LINGO2: variants seen among roughly 807,000 people sequenced by gnomAD.
LINGO2 encodes leucine-rich repeat and immunoglobulin-like domain-containing nogo receptor-interacting protein 2.
A neutral mutation model predicts 30.6 loss-of-function variants in LINGO2; 14 were observed. That is an observed-to-expected ratio of 0.46 (90% CI 0.30 to 0.72). LINGO2 has a LOEUF of 0.72. Ranked by LOEUF, LINGO2 falls within the 30% of genes least tolerant of loss-of-function variation. LINGO2 has a pLI of 0.07. For missense variants in LINGO2, 729 were observed against 751.7 expected, an observed-to-expected ratio of 0.97 and a Z score of 0.35; for synonymous variants, 317 against 288.5, an observed-to-expected ratio of 1.10 and a Z score of -1.00.
At chr9:28,397,333 G>A (rs918202479) in intron 2 of LINGO2, among the ~76,000 whole-genome samples, 1 of 145,144 alleles carries the variant, frequency 6.9e-6, no homozygotes, top group Admixed American at 7.1e-5. Context: ...TGTATGTATT[G>A]TGTATGACAT....
the LINGO2 span, among the ~76,000 whole-genome samples, chr9:28,978,886 A>G: frequency 7.4e-4 from 113 of 152,256 alleles, 1 homozygote; most frequent in Non-Finnish European, 1.3e-3. Context: ...TAAAATGAAT[A>G]TTCTCATTTT....
At chr9:28,372,157 C>A (rs970826872) in intron 3 of LINGO2, among the ~76,000 whole-genome samples, 1 of 152,098 alleles carries the variant, frequency 6.6e-6, no homozygotes, top group African/African-American at 2.4e-5. Context: ...TCCAACTTCA[C>A]AATTTTGCTA....
chr9:28,994,089 C>T, the LINGO2 span, among the ~76,000 whole-genome samples: 1 of 151,874 alleles, frequency 6.6e-6, no homozygotes, highest in African/African-American at 2.4e-5. Flanking sequence ...TCCCTGTTTG[C>T]AGATGACATG....
At chr9:28,642,436 G>A (rs966406261) in intron 1 of LINGO2, among the ~76,000 whole-genome samples, 5 of 152,032 alleles carry the variant, frequency 3.3e-5, no homozygotes, top group Non-Finnish European at 7.4e-5. Flanking sequence ...TAGCAATATT[G>A]TCATAGTTTA....
At chr9:28,776,656 T>C in the LINGO2 span, among the ~76,000 whole-genome samples, 3 of 152,270 alleles carry the variant, frequency 2.0e-5, no homozygotes, top group Non-Finnish European at 4.4e-5. Context: ...CCAGGTACCA[T>C]GTTAAGCACA....
At chr9:28,297,077 A>T (rs1425060328) in intron 3 of LINGO2, among the ~76,000 whole-genome samples, 2 of 152,194 alleles carry the variant, frequency 1.3e-5, no homozygotes, top group African/African-American at 2.4e-5. Flanking sequence ...AGAGTTTATA[A>T]ACATAATTTC....
At chr9:28,622,367 T>G (rs999985020) in intron 1 of LINGO2, among the ~76,000 whole-genome samples, 1 of 151,934 alleles carries the variant, frequency 6.6e-6, no homozygotes, top group South Asian at 2.1e-4. Context: ...TTGTTTTTAT[T>G]TTTTATTTTA....
At chr9:28,159,387 CTTTTA>C (rs1011103898) in intron 4 of LINGO2, among the ~76,000 whole-genome samples, 3 of 151,898 alleles carry the variant, frequency 2.0e-5, no homozygotes, top group African/African-American at 7.2e-5. Context: ...ACATGTGCAG[CTTTTA>C]TTTTTTCTCT....
chr9:28,643,674 C>A (rs1179375398), intron 1 of LINGO2, among the ~76,000 whole-genome samples: 1 of 151,836 alleles, frequency 6.6e-6, no homozygotes, highest in East Asian at 1.9e-4. Context: ...AGGAAAATAA[C>A]TGGACAAATG....
intron 4 of LINGO2, among the ~76,000 whole-genome samples, chr9:28,073,306 G>A (rs1825534511): frequency 6.6e-6 from 1 of 152,056 alleles, no homozygotes; most frequent in African/African-American, 2.4e-5. Flanking sequence ...GTTAAATGAG[G>A]ATGAAAATAA....
At chr9:28,913,956 A>C in the LINGO2 span, among the ~76,000 whole-genome samples, 1 of 152,166 alleles carries the variant, frequency 6.6e-6, no homozygotes, top group Non-Finnish European at 1.5e-5. Flanking sequence ...ACTATCATTT[A>C]ATTGTACTTT....
At chr9:28,453,022 G>A (rs914260066) in intron 2 of LINGO2, among the ~76,000 whole-genome samples, 4 of 151,886 alleles carry the variant, frequency 2.6e-5, no homozygotes, top group Non-Finnish European at 5.9e-5. Flanking sequence ...TTAGCATTAA[G>A]ATCAATGACT....
At chr9:28,751,372 T>C in the LINGO2 span, among the ~76,000 whole-genome samples, 1 of 150,964 alleles carries the variant, frequency 6.6e-6, no homozygotes, top group Non-Finnish European at 1.5e-5. Flanking sequence ...AGAACCAGCA[T>C]GTCCTTGCCT....
At chr9:28,173,765 A>T (rs186185109) in intron 4 of LINGO2, among the ~76,000 whole-genome samples, 83 of 152,344 alleles carry the variant, frequency 5.4e-4, no homozygotes, top group Non-Finnish European at 1.0e-3. Context: ...CCTTTAGCAT[A>T]GCATGTAAAT....
At chr9:28,668,557 A>C (rs1828891357) in intron 1 of LINGO2, among the ~76,000 whole-genome samples, 2 of 151,992 alleles carry the variant, frequency 1.3e-5, no homozygotes, top group African/African-American at 2.4e-5. Context: ...TAAAAAAAAA[A>C]CCTCCTAACT....
chr9:28,782,826 T>G, the LINGO2 span, among the ~76,000 whole-genome samples: 1 of 152,138 alleles, frequency 6.6e-6, no homozygotes, highest in Non-Finnish European at 1.5e-5. Flanking sequence ...AAATGGAAGT[T>G]GTTAGGCAAT....
At chr9:29,087,675 G>T in the LINGO2 span, among the ~76,000 whole-genome samples, 1 of 151,878 alleles carries the variant, frequency 6.6e-6, no homozygotes, top group Non-Finnish European at 1.5e-5. Flanking sequence ...ACTAGAATTT[G>T]CTTAAGTGTC....
In LINGO2 at chr9:28,565,503, T is replaced by TA. The variant is rs566863441; in HGVS notation, c.-364-89479_-364-89478insT. Among the ~76,000 whole-genome samples, 922 of 145,356 alleles carry TA rather than the reference T, an allele frequency of 6.3e-3. 11 individuals carry two copies. Among genetic ancestry groups the TA allele is most frequent in the African/African-American group, 0.022 (885 of 40,030 alleles). ...CCTGATAAGGAAAAATTATTTTTAT[T>TA]TTTTTTTTTTTACAGACATCTAGAG... is the stretch of plus-strand genomic sequence containing the variant. On this transcript the variant is annotated intron_variant, in intron 1 of 5. Coordinates refer to ENST00000379992, the Ensembl canonical transcript of LINGO2.
intron 2 of LINGO2, among the ~76,000 whole-genome samples, chr9:28,416,108 A>G (rs1416537134): frequency 6.6e-6 from 1 of 152,152 alleles, no homozygotes; most frequent in Non-Finnish European, 1.5e-5. Context: ...AATCTTAGGC[A>G]AAATTGCTCA....
Sources: gnomAD v4.1 joint callset for allele counts (sites outside exome capture counted in the v4.1 genomes callset) on GRCh38, gnomAD v4.1.1 for gene constraint, MANE v1.5 for transcripts, NCBI Gene and HGNC (gene_info 2026-07-23, HGNC 2026-07-21) for gene names.